VCL: variants seen among roughly 807,000 people sequenced by gnomAD.
VCL encodes vinculin, also known as epididymis luminal protein 114.
A neutral mutation model predicts 125.7 loss-of-function variants in VCL; 47 were observed. The observed-to-expected ratio is 0.37, with a 90% CI of 0.30 to 0.48. The LOEUF is 0.48. Ranked by LOEUF, VCL falls within the 20% of genes least tolerant of loss-of-function variation. The pLI, the probability that VCL is intolerant of heterozygous loss-of-function variation, is 0.99. For synonymous variants in VCL, 458 were observed against 514.6 expected (o/e 0.89, Z 1.49); for missense variants, 1,069 against 1,455.5 (o/e 0.73, Z 4.32).
At chr10:74,016,029 C>G (rs956926082) in intron 1 of VCL, among the ~76,000 whole-genome samples, 1 of 151,928 alleles carries the variant, frequency 6.6e-6, no homozygotes, top group African/African-American at 2.4e-5. Flanking sequence ...TGGGGTCTCC[C>G]TGTGTTTCCC....
chr10:74,049,218 C>T (rs1453304317), intron 2 of VCL, among the ~76,000 whole-genome samples: 1 of 151,956 alleles, frequency 6.6e-6, no homozygotes, highest in Non-Finnish European at 1.5e-5. Flanking sequence ...TTTAAACTTT[C>T]ATTGAAGTAT....
At chr10:74,001,326 A>C (rs1840220607) in intron 1 of VCL, among the ~76,000 whole-genome samples, 1 of 152,132 alleles carries the variant, frequency 6.6e-6, no homozygotes, top group African/African-American at 2.4e-5. Flanking sequence ...TCTTTTTAAA[A>C]AATTTTATTT....
In VCL at chr10:73,998,286, C is replaced by T. The variant is rs1486411009; in HGVS notation, c.79C>T (p.His27Tyr). The change falls in exon 1 of 22, where the codon CAC becomes TAC. Residue 27 changes from histidine to tyrosine, a missense_variant. Around this residue, in one of 6 missense-constraint regions of VCL, gnomAD observed 96 missense variants for 137.6 expected, o/e 0.70. Transcript: ENST00000211998. ...AQQISHLVIMHEEGEVDGKAI... is the reference protein window; with the variant it reads ...AQQISHLVIMYEEGEVDGKAI... ...GCAGATCTCCCACCTGGTGATAATG[C>T]ACGAGGAGGGCGAGGTGGACGGCAA... is the stretch of plus-strand genomic sequence containing the variant. 2 of 1,607,744 alleles carry T rather than the reference C, an allele frequency of 1.2e-6. No homozygotes were observed.
intron 1 of VCL, among the ~76,000 whole-genome samples, chr10:74,010,645 G>A (rs968574561): frequency 1.1e-4 from 17 of 149,944 alleles, no homozygotes; most frequent in East Asian, 5.9e-4. Flanking sequence ...CCTTTTCACC[G>A]TTTAAAAAAA....
intron 13 of VCL, among the ~76,000 whole-genome samples, chr10:74,100,436 G>T (rs751203328): frequency 1.3e-5 from 2 of 152,210 alleles, no homozygotes; most frequent in Non-Finnish European, 2.9e-5. Context: ...CAATGGCAGA[G>T]TTTTTACAAC....
intron 1 of VCL, among the ~76,000 whole-genome samples, chr10:74,000,456 C>T (rs533484706): frequency 1.3e-5 from 2 of 152,056 alleles, no homozygotes; most frequent in South Asian, 2.1e-4. Flanking sequence ...TCCTCTGTCA[C>T]GAGGCTGGAG....
At chr10:74,066,953 C>G (rs1028561443) in intron 2 of VCL, among the ~76,000 whole-genome samples, 1 of 152,168 alleles carries the variant, frequency 6.6e-6, no homozygotes, top group Admixed American at 6.5e-5. Context: ...CAGGCATGAG[C>G]CACTGCACCT....
intron 2 of VCL, among the ~76,000 whole-genome samples, chr10:74,048,768 A>G (rs972216688): frequency 2.0e-5 from 3 of 152,182 alleles, no homozygotes; most frequent in Admixed American, 2.0e-4. Flanking sequence ...TATATTGCAA[A>G]TAATATATTA....
At chr10:74,027,175 G>C (rs1840787255) in intron 1 of VCL, among the ~76,000 whole-genome samples, 1 of 152,140 alleles carries the variant, frequency 6.6e-6, no homozygotes, top group South Asian at 2.1e-4. Flanking sequence ...TTATTCTGGT[G>C]GGGCTCTGGG....
intron 1 of VCL, among the ~76,000 whole-genome samples, chr10:74,017,696 C>G (rs891614196): frequency 6.6e-6 from 1 of 151,032 alleles, no homozygotes; most frequent in Non-Finnish European, 1.5e-5. Flanking sequence ...GGGACTACTA[C>G]AGGTGCATGC....
Position 74,089,257 on chromosome 10 carries a change from G to A in VCL, c.1084G>A (p.Val362Met). 6.2e-7 allele frequency: 1 copy of A among 1,614,118 alleles called. No individual in the cohort carries two copies. Among genetic ancestry groups the A allele is most frequent in the South Asian group, 1.1e-5 (1 of 91,062 alleles). Residue 362 changes from valine to methionine, a missense_variant, in exon 9 of 22, where the codon GTG becomes ATG. Val to Met is a conservative substitution (Grantham distance 21). Transcript: ENST00000211998. ...TCAGCAGGTATCTCAGGGTCTGGAT[G>A]TGCTCACAGCAAAAGTGGAAAATGC... Reference protein sequence around the residue: ...KAQQVSQGLDVLTAKVENAAR... With the variant: ...KAQQVSQGLDMLTAKVENAAR...
chr10:74,013,888 A>G (rs948841672), intron 1 of VCL, among the ~76,000 whole-genome samples: 1 of 113,062 alleles, frequency 8.8e-6, no homozygotes. Context: ...GTCTAATGAA[A>G]AGGCAGTGTT....
rs1226160007 is a variant in VCL, at chr10:74,108,962, C to G, written c.2560-9C>G. The G allele has an allele frequency of 1.2e-6, 2 of 1,613,876 alleles. No homozygotes were observed. The highest frequency in any genetic ancestry group is 2.7e-5 in the African/African-American group (2 of 74,886). On this transcript the variant is annotated splice_polypyrimidine_tract_variant and intron_variant, in intron 17 of 21. Transcript: ENST00000211998. ...GGACTTTACTTACAACTTGTTTTCT[C>G]TTTTTTAGCTAACAGATGAGCTTGC...
rs188547486 is a variant in VCL at position 74,009,754 on chromosome 10, C to G, written c.168+11379C>G. 2.3e-3 allele frequency among the ~76,000 whole-genome samples: 355 copies of G among 152,054 alleles called. 2 individuals are homozygous for G. Among genetic ancestry groups the G allele is most frequent in the African/African-American group, 8.2e-3 (341 of 41,468 alleles). On this transcript the variant is annotated intron_variant, in intron 1 of 21. Transcript: ENST00000211998. ...CCTCCCAAGTAGCTGGGACTACAGG[C>G]ATGCGTCACCACACCTGGCTAATTT...
chr10:74,027,369 T>G (rs889092671), intron 1 of VCL, among the ~76,000 whole-genome samples: 2 of 151,230 alleles, frequency 1.3e-5, no homozygotes, highest in Admixed American at 6.6e-5. Flanking sequence ...CCTCATATAG[T>G]CATAGAGTAT....
At chr10:74,048,429 T>C (rs1371976627) in intron 2 of VCL, among the ~76,000 whole-genome samples, 3 of 148,052 alleles carry the variant, frequency 2.0e-5, no homozygotes, top group South Asian at 4.2e-4. Context: ...GATCATGCCA[T>C]GCATTCCAGC....
At chr10:74,060,801 TTG>T (rs1239061884) in intron 2 of VCL, among the ~76,000 whole-genome samples, 3 of 152,128 alleles carry the variant, frequency 2.0e-5, no homozygotes, top group African/African-American at 7.2e-5. Context: ...ACTGAGGAAT[TTG>T]TGCTCTTTTT....
chr10:74,038,910 T>A (rs1222552639), intron 1 of VCL, among the ~76,000 whole-genome samples: 1 of 152,164 alleles, frequency 6.6e-6, no homozygotes, highest in African/African-American at 2.4e-5. Flanking sequence ...GATTTTTTTT[T>A]TTATTTTTTC....
Position 73,998,165 on chromosome 10 carries a change from A to T in VCL, c.-43A>T. ...GCCGGTTCCCGGCCCCGTGGATCCT[A>T]CTTCTCTGTCGCCCGCGGTTCGCCG... On this transcript the variant is annotated 5_prime_UTR_variant, in exon 1 of 22. Transcript: ENST00000211998. 6.2e-7 allele frequency: 1 copy of T among 1,602,194 alleles called. No homozygotes were observed. The highest frequency in any genetic ancestry group is 8.5e-7 in the Non-Finnish European group (1 of 1,174,524).
Sources: allele counts gnomAD v4.1 joint callset (sites outside exome capture counted in the v4.1 genomes callset), GRCh38; gene constraint gnomAD v4.1.1; regional missense constraint gnomAD v4.1.1; transcripts MANE v1.5; gene names NCBI Gene and HGNC (gene_info 2026-07-23, HGNC 2026-07-21).